Variants in HDAC11 observed in about 807,000 individuals in gnomAD.
The protein encoded by HDAC11 is histone deacetylase 11.
Under a neutral mutation model 41.1 loss-of-function variants are expected in HDAC11, and 23 were observed. The ratio of observed to expected loss-of-function variants is 0.56; its 90% confidence interval spans 0.40 to 0.79. The LOEUF is 0.79. Ranked by LOEUF, HDAC11 falls within the 30% of genes least tolerant of loss-of-function variation. The pLI is 0.00. For missense variants in HDAC11, 402 were observed against 477.3 expected (o/e 0.84, Z 1.47); for synonymous variants, 187 against 186.6 (o/e 1.00, Z -0.02).
At chr3:13,497,475 C>T (rs892315510) in intron 4 of HDAC11, among the ~76,000 whole-genome samples, 7 of 152,122 alleles carry the variant, frequency 4.6e-5, no homozygotes, top group African/African-American at 1.7e-4. Flanking sequence ...CCACCATGCC[C>T]AGCCCTAATG....
At chr3:13,482,877 C>T (rs1460882337) in intron 2 of HDAC11, among the ~76,000 whole-genome samples, 1 of 152,062 alleles carries the variant, frequency 6.6e-6, no homozygotes, top group Admixed American at 6.6e-5. Flanking sequence ...AGGCTCATTG[C>T]CACCTCAACC....
chr3:13,496,661 C>T (rs1427786974), intron 3 of HDAC11, 75 bp from the exon 4 acceptor site: 2 of 927,036 alleles, frequency 2.2e-6, no homozygotes, highest in African/African-American at 3.4e-5. Context: ...CAAGGCATTT[C>T]CCGGGGAACC....
rs763416928 is a variant in HDAC11, at chr3:13,504,677, G to GCCCTGA, written c.1043_*4dup. ...ACACACCGCTGCTTCCCCCTGCAGT[G>GCCCTGA]CCCTGACCCTTGCTGCCCTGCCTGT... On this transcript the variant is annotated stop_gained and inframe_insertion, in exon 10 of 10. Coordinates refer to ENST00000295757, the MANE Select transcript of HDAC11 (RefSeq NM_024827.4). LOFTEE classifies it high-confidence loss of function. 3 of 1,613,384 alleles carry GCCCTGA rather than the reference G, an allele frequency of 1.9e-6. No individual in the cohort carries two copies. The highest frequency in any genetic ancestry group is 2.5e-6 in the Non-Finnish European group (3 of 1,179,820).
intron 2 of HDAC11, among the ~76,000 whole-genome samples, chr3:13,483,076 A>T (rs1371359348): frequency 2.5e-5 from 3 of 120,564 alleles, no homozygotes; most frequent in Non-Finnish European, 5.2e-5. Context: ...TAAATGAATT[A>T]AAAAAAAAAA....
chr3:13,482,935 G>C (rs1232342540), intron 2 of HDAC11, among the ~76,000 whole-genome samples: 1 of 152,094 alleles, frequency 6.6e-6, no homozygotes, highest in Non-Finnish European at 1.5e-5. Flanking sequence ...ATATTTTGTA[G>C]AGATGCGGTC....
intron 3 of HDAC11, among the ~76,000 whole-genome samples, chr3:13,486,732 C>T (rs1225795210): frequency 2.0e-5 from 3 of 152,030 alleles, no homozygotes; most frequent in African/African-American, 7.2e-5. Flanking sequence ...CACCTGCCAC[C>T]ATGCCCGGCT....
chr3:13,494,559 C>A (rs12633341), intron 3 of HDAC11, among the ~76,000 whole-genome samples: 1 of 152,154 alleles, frequency 6.6e-6, no homozygotes, highest in African/African-American at 2.4e-5. Context: ...CCAGCTCTTA[C>A]ACTCCCACCC....
chr3:13,500,710 C>A lies in HDAC11; in HGVS notation c.413-3C>A, dbSNP rs1305088508. 1 of 1,588,728 alleles carries A rather than the reference C, an allele frequency of 6.3e-7. No individual in the cohort carries two copies. The highest frequency in any genetic ancestry group is 2.3e-5 in the East Asian group (1 of 44,136). The stretch of plus-strand genomic sequence containing the variant: ...AGCAGCACCGCTCTCTGCCCTTCCG[C>A]AGGGGGTGGCTTCCACCACTGCTCC... On this transcript the variant is annotated splice_region_variant and splice_polypyrimidine_tract_variant and intron_variant, in intron 5 of 9. Coordinates refer to ENST00000295757, the MANE Select transcript of HDAC11 (RefSeq NM_024827.4).
chr3:13,486,581 T>C (rs1404982284), intron 3 of HDAC11, among the ~76,000 whole-genome samples: 4 of 147,242 alleles, frequency 2.7e-5, no homozygotes, highest in Non-Finnish European at 6.0e-5. Flanking sequence ...GTTTTTTTTT[T>C]TTTTTTTTTT....
At position 13,481,257 on chromosome 3, in the gene HDAC11, C is replaced by G. The variant is rs748852125; in HGVS notation, c.14C>G (p.Thr5Ser). ...TTTCCACACGGTAGGCTACACACAACCCAGCTGTACCAGCATGTGCCAGAG... is the reference window on the plus strand; with the variant it reads ...TTTCCACACGGTAGGCTACACACAAGCCAGCTGTACCAGCATGTGCCAGAG... MLHT[T>S]QLYQHVPETR... Residue 5 changes from threonine (T) to serine (S), a missense_variant, in exon 2 of 10, where the codon ACC becomes AGC. Thr to Ser is a moderately conservative substitution (Grantham distance 58). Coordinates refer to ENST00000295757, the MANE Select transcript of HDAC11 (RefSeq NM_024827.4). 6.2e-7 allele frequency: 1 copy of G among 1,612,200 alleles called. No individual in the cohort carries two copies. The highest frequency in any genetic ancestry group is 1.1e-5 in the South Asian group (1 of 90,994).
chr3:13,484,623 T>C (rs1226819742), intron 3 of HDAC11, among the ~76,000 whole-genome samples: 1 of 151,864 alleles, frequency 6.6e-6, no homozygotes, highest in African/African-American at 2.4e-5. Flanking sequence ...GCCTCCCGGG[T>C]TCAAACAATT....
At chr3:13,485,794 A>C (rs1032062760) in intron 3 of HDAC11, among the ~76,000 whole-genome samples, 2 of 150,826 alleles carry the variant, frequency 1.3e-5, no homozygotes, top group Admixed American at 1.3e-4. Flanking sequence ...TAAAAAAAAT[A>C]ATAAAAGTAT....
rs573740139 is a variant in HDAC11 at position 13,487,480 on chromosome 3, G to A, written c.252+3916G>A. Among the ~76,000 whole-genome samples, 6 of 152,230 alleles carry A rather than the reference G, an allele frequency of 3.9e-5. 1 individual carries two copies. The South Asian group carries it at 6.2e-4, about 16-fold the overall frequency. On this transcript the variant is annotated intron_variant, in intron 3 of 9. Transcript: ENST00000295757. ...ACTGAAGGAGAAGCAGGAGCTGGACGTTTGCAAGATGTCAATTCAGGGAAA... is the reference window on the plus strand; with the variant it reads ...ACTGAAGGAGAAGCAGGAGCTGGACATTTGCAAGATGTCAATTCAGGGAAA...
At chr3:13,496,633 G>T (rs769768267) in intron 3 of HDAC11, 103 bp from the exon 4 acceptor site, 10 of 695,132 alleles carry the variant, frequency 1.4e-5, no homozygotes, top group Non-Finnish European at 2.5e-5. Context: ...TCATCCAAGG[G>T]CACCTGGAAA....
Position 13,502,841 on chromosome 3 carries a change from C to T in HDAC11, c.553-43C>T, listed in dbSNP as rs781422600. 3.9e-6 allele frequency: 6 copies of T among 1,540,476 alleles called. No homozygotes were observed. In the South Asian group the frequency reaches 4.5e-5, roughly 12 times the overall value. The stretch of plus-strand genomic sequence containing the variant: ...GTGGGTGGCAGAGCCCCAGCCTTGC[C>T]TAGGGCACCTACCCGAGAGCGGCTA... On this transcript the variant is annotated intron_variant, in intron 7 of 9. Coordinates refer to ENST00000295757, the MANE Select transcript of HDAC11 (RefSeq NM_024827.4). The surrounding 1 kb of genome is among the most constrained non-coding windows in gnomAD (Gnocchi z 4.1).
chr3:13,501,976 C>T, intron 7 of HDAC11, 43 bp downstream of exon 7: 1 of 1,540,624 alleles, frequency 6.5e-7, no homozygotes, highest in Non-Finnish European at 9.0e-7. Flanking sequence ...GACCTGCCAC[C>T]CCCAGTTCCA....
In HDAC11 at chr3:13,504,570, A is replaced by G; in HGVS notation, c.931A>G (p.Ile311Val). ...SGGYQKRTAR[I>V]IADSILNLFG... Reference sequence around the variant, plus strand: ...CGGGTACCAGAAGCGCACAGCCCGCATCATTGCTGACTCCATACTTAATCT... The same window carrying G: ...CGGGTACCAGAAGCGCACAGCCCGCGTCATTGCTGACTCCATACTTAATCT... The change falls in exon 10 of 10, where the codon ATC becomes GTC. Residue 311 changes from isoleucine (I) to valine (V), a missense_variant. Ile to Val is a conservative substitution (Grantham distance 29). Transcript: ENST00000295757. 2 of 1,613,708 alleles carry G rather than the reference A, an allele frequency of 1.2e-6. No homozygotes were observed. Among genetic ancestry groups the G allele is most frequent in the Non-Finnish European group, 1.7e-6 (2 of 1,180,026 alleles).
At chr3:13,501,391 G>C (rs1702358595) in intron 6 of HDAC11, among the ~76,000 whole-genome samples, 2 of 152,200 alleles carry the variant, frequency 1.3e-5, no homozygotes, top group Non-Finnish European at 2.9e-5. Context: ...AGACTGATGG[G>C]GGGAAGCAGG....
chr3:13,501,096 A>G (rs576811489), intron 6 of HDAC11, among the ~76,000 whole-genome samples: 2 of 152,348 alleles, frequency 1.3e-5, no homozygotes, highest in South Asian at 2.1e-4. Flanking sequence ...GAAGAAGGGC[A>G]TGGCTGGCAA....
Sources: allele counts gnomAD v4.1 joint callset (sites outside exome capture counted in the v4.1 genomes callset), GRCh38; gene constraint gnomAD v4.1.1; non-coding constraint Gnocchi (gnomAD v3.1); transcripts MANE v1.5; gene names NCBI Gene and HGNC (gene_info 2026-07-23, HGNC 2026-07-21).